ASTN2: variants seen among roughly 807,000 people sequenced by gnomAD.
ASTN2 encodes the protein astrotactin-2.
Under a neutral mutation model 139.8 loss-of-function variants are expected in ASTN2, and 54 were observed. The observed-to-expected ratio is 0.39, with a 90% confidence interval of 0.31 to 0.48. ASTN2 has a LOEUF of 0.48. ASTN2 is among the 20% of genes least tolerant of loss of function. The pLI, the probability that ASTN2 is intolerant of heterozygous loss-of-function variation, is 0.95. For missense variants in ASTN2, 1,565 were observed against 1,725.1 expected (o/e 0.91, Z 1.64); for synonymous variants, 756 against 719.5 (o/e 1.05, Z -0.81).
chr9:116,788,788 G>A (rs1452823250), intron 13 of ASTN2, among the ~76,000 whole-genome samples: 1 of 151,874 alleles, frequency 6.6e-6, no homozygotes, highest in Admixed American at 6.6e-5. Context: ...CTATGACAAG[G>A]GGTGACAGTA....
chr9:116,442,516 A>G lies in ASTN2; in HGVS notation c.3535T>C (p.Ser1179Pro). 2 of 1,614,136 alleles carry G rather than the reference A, an allele frequency of 1.2e-6. No homozygotes were observed. The highest frequency in any genetic ancestry group is 1.7e-6 in the Non-Finnish European group (2 of 1,180,038). ...LYAVDTRGRH[S>P]ELSTVTLRTA... ...CTCAGGGTCACCGTGCTTAGCTCTGAGTGCCTCCCTCGTGTATCCACAGCA... is the reference window on the plus strand; with the variant it reads ...CTCAGGGTCACCGTGCTTAGCTCTGGGTGCCTCCCTCGTGTATCCACAGCA... Residue 1179 changes from serine to proline, a missense_variant, in exon 21 of 23, where the codon TCA becomes CCA. Physicochemically the swap from Ser to Pro is moderately conservative, Grantham distance 74. Coordinates refer to ENST00000313400, the MANE Select transcript of ASTN2 (RefSeq NM_001365068.1).
At chr9:117,364,014 G>T (rs1203931796) in intron 1 of ASTN2, among the ~76,000 whole-genome samples, 1 of 152,124 alleles carries the variant, frequency 6.6e-6, no homozygotes, top group African/African-American at 2.4e-5. Context: ...AGTTTGGAAT[G>T]GTTCCTAATA....
At chr9:117,243,741 C>T (rs1241276292) in intron 2 of ASTN2, among the ~76,000 whole-genome samples, 2 of 152,108 alleles carry the variant, frequency 1.3e-5, no homozygotes, top group Non-Finnish European at 2.9e-5. Flanking sequence ...AATTCTTAAC[C>T]CCGCCACCCC....
intron 10 of ASTN2, among the ~76,000 whole-genome samples, chr9:116,969,806 T>G (rs550998443): frequency 1.3e-5 from 2 of 152,306 alleles, no homozygotes; most frequent in Admixed American, 1.3e-4. Context: ...TAAACCAGAA[T>G]TCTGGGCCCA....
At chr9:117,092,624 A>G (rs1417655695) in intron 5 of ASTN2, among the ~76,000 whole-genome samples, 2 of 152,210 alleles carry the variant, frequency 1.3e-5, no homozygotes, top group African/African-American at 2.4e-5. Context: ...CAGTGAATTC[A>G]TATGGAGTCC....
intron 19 of ASTN2, among the ~76,000 whole-genome samples, chr9:116,562,850 G>C (rs970677041): frequency 1.2e-4 from 18 of 151,796 alleles, no homozygotes; most frequent in African/African-American, 3.9e-4. Flanking sequence ...GGGAAGGTTC[G>C]GAAAGCTCAT....
intron 17 of ASTN2, among the ~76,000 whole-genome samples, chr9:116,621,917 C>A (rs919386415): frequency 1.3e-5 from 2 of 152,228 alleles, no homozygotes; most frequent in Non-Finnish European, 2.9e-5. Flanking sequence ...GATGCTAACA[C>A]TGACATTTCA....
At chr9:116,459,252 A>G (rs1453163193) in intron 20 of ASTN2, among the ~76,000 whole-genome samples, 1 of 152,098 alleles carries the variant, frequency 6.6e-6, no homozygotes. Flanking sequence ...CACCATGTAT[A>G]AAAATTAAAA....
At chr9:116,805,559 C>A in intron 13 of ASTN2, 73 bp downstream of exon 13, 1 of 1,434,274 alleles carries the variant, frequency 7.0e-7, no homozygotes, top group African/African-American at 1.4e-5. Context: ...CCATTGTGCC[C>A]ATGGCTTCCT....
At chr9:116,963,845 C>T (rs1305502826) in intron 10 of ASTN2, among the ~76,000 whole-genome samples, 1 of 152,138 alleles carries the variant, frequency 6.6e-6, no homozygotes, top group Non-Finnish European at 1.5e-5. Flanking sequence ...TGGTTGGGTG[C>T]AGTTGGGACA....
At position 116,425,671 on chromosome 9, in the gene ASTN2, T is replaced by C. The variant is rs1010614817; in HGVS notation, c.*180A>G. On this transcript the variant is annotated 3_prime_UTR_variant, in exon 23 of 23. Transcript: ENST00000313400. ...AGAGAAAAATGAATAATTCCATTGG[T>C]TACAAAGGTCTCTGTCCACTATCCA... 2 of 1,609,304 alleles carry C rather than the reference T, an allele frequency of 1.2e-6. No homozygotes were observed. The highest frequency in any genetic ancestry group is 1.7e-6 in the Non-Finnish European group (2 of 1,178,286).
intron 10 of ASTN2, among the ~76,000 whole-genome samples, chr9:116,957,552 C>T (rs1011552238): frequency 1.3e-5 from 2 of 152,226 alleles, no homozygotes. Flanking sequence ...TGAATTTGGA[C>T]AGCTTTCAGC....
chr9:116,962,936 C>A (rs1835911278), intron 10 of ASTN2, among the ~76,000 whole-genome samples: 2 of 152,124 alleles, frequency 1.3e-5, no homozygotes, highest in African/African-American at 4.8e-5. Context: ...AGCAGAGCCA[C>A]ATAAAATTAA....
At chr9:116,604,907 C>T (rs1193598065) in intron 19 of ASTN2, among the ~76,000 whole-genome samples, 1 of 152,094 alleles carries the variant, frequency 6.6e-6, no homozygotes, top group Non-Finnish European at 1.5e-5. Context: ...AGAGTGGATA[C>T]AGATGGCCTC....
chr9:116,587,309 C>G (rs913963146), intron 19 of ASTN2, among the ~76,000 whole-genome samples: 2 of 149,106 alleles, frequency 1.3e-5, no homozygotes, highest in African/African-American at 5.0e-5. Flanking sequence ...CCACTGCACT[C>G]CAGCCTGGGT....
chr9:117,050,790 T>G (rs1838892823), intron 5 of ASTN2, among the ~76,000 whole-genome samples: 1 of 152,124 alleles, frequency 6.6e-6, no homozygotes, highest in Admixed American at 6.6e-5. Context: ...TCCTCACCTC[T>G]TTTTCCTGAC....
At chr9:117,116,721 G>T (rs1025823325) in intron 4 of ASTN2, among the ~76,000 whole-genome samples, 1 of 150,536 alleles carries the variant, frequency 6.6e-6, no homozygotes, top group African/African-American at 2.4e-5. Flanking sequence ...CTGCCTCCAT[G>T]GCCTAATAGT....
chr9:116,448,400 C>T (rs1439858888), intron 20 of ASTN2, among the ~76,000 whole-genome samples: 1 of 152,228 alleles, frequency 6.6e-6, no homozygotes, highest in Non-Finnish European at 1.5e-5. Flanking sequence ...CCAGGGCCAC[C>T]TCAGTGCCCA....
At chr9:116,562,312 AAACT>A (rs1000877130) in intron 19 of ASTN2, 6 of 152,236 alleles carry the variant, frequency 3.9e-5, no homozygotes, top group South Asian at 2.1e-4. Flanking sequence ...ACGTTTTTCC[AAACT>A]AACTAGTCCC....
Sources: allele counts gnomAD v4.1 joint callset (sites outside exome capture counted in the v4.1 genomes callset), GRCh38; gene constraint gnomAD v4.1.1; transcripts MANE v1.5; gene names NCBI Gene and HGNC (gene_info 2026-07-23, HGNC 2026-07-21).